The following ENTREP2 variants were observed in gnomAD, a reference collection of about 807,000 sequenced individuals.
The protein encoded by ENTREP2 is endosomal transmembrane epsin interactor 2.
the ENTREP2 span, among the ~76,000 whole-genome samples, chr15:29,521,840 C>T: frequency 6.8e-6 from 1 of 147,896 alleles, no homozygotes; most frequent in Non-Finnish European, 1.5e-5. Flanking sequence ...TGTTCCTCAT[C>T]AGAATATATA....
chr15:29,656,742 T>C, the ENTREP2 span, among the ~76,000 whole-genome samples: 8,535 of 152,188 alleles, frequency 0.056, 757 homozygotes, highest in African/African-American at 0.19. Flanking sequence ...TCATATCTTA[T>C]CTTGCTTGAA....
the ENTREP2 span, among the ~76,000 whole-genome samples, chr15:29,587,955 G>A: frequency 3.2e-4 from 48 of 152,278 alleles, no homozygotes; most frequent in Admixed American, 1.5e-3. Flanking sequence ...CACCACGCCC[G>A]GCTGGAAGTG....
At chr15:29,342,266 G>C in the ENTREP2 span, among the ~76,000 whole-genome samples, 1 of 152,190 alleles carries the variant, frequency 6.6e-6, no homozygotes, top group African/African-American at 2.4e-5. Context: ...GGAGGTGAGG[G>C]AAAGGGACTG....
the ENTREP2 span, among the ~76,000 whole-genome samples, chr15:29,199,818 T>C: frequency 6.6e-6 from 1 of 152,206 alleles, no homozygotes; most frequent in Non-Finnish European, 1.5e-5. Flanking sequence ...CCTAGATCTT[T>C]CTCCTATGTT....
At chr15:29,308,484 C>A in the ENTREP2 span, among the ~76,000 whole-genome samples, 65 of 152,338 alleles carry the variant, frequency 4.3e-4, 2 homozygotes, top group African/African-American at 1.5e-3. Flanking sequence ...CACAGGGAGA[C>A]CCTGTCCTGG....
the ENTREP2 span, among the ~76,000 whole-genome samples, chr15:29,524,329 C>G: frequency 2.0e-5 from 3 of 152,152 alleles, no homozygotes; most frequent in Non-Finnish European, 2.9e-5. Flanking sequence ...GAAAGCACAT[C>G]ACAATCACAA....
chr15:29,429,153 G>GTCCA, the ENTREP2 span, among the ~76,000 whole-genome samples: 17,322 of 151,114 alleles, frequency 0.11, 1,145 homozygotes, highest in East Asian at 0.31. Flanking sequence ...ATGTCTATCT[G>GTCCA]TCCATCCATC....
At chr15:29,248,677 G>T in the ENTREP2 span, among the ~76,000 whole-genome samples, 1 of 152,050 alleles carries the variant, frequency 6.6e-6, no homozygotes, top group Non-Finnish European at 1.5e-5. Context: ...AGTACTCAAA[G>T]AAATTCAAAT....
At chr15:29,333,422 C>A in the ENTREP2 span, among the ~76,000 whole-genome samples, 1 of 152,068 alleles carries the variant, frequency 6.6e-6, no homozygotes, top group African/African-American at 2.4e-5. Flanking sequence ...ACATCCAGCA[C>A]CCCCCGCCCC....
the ENTREP2 span, among the ~76,000 whole-genome samples, chr15:29,157,007 G>A: frequency 6.6e-6 from 1 of 152,208 alleles, no homozygotes; most frequent in Non-Finnish European, 1.5e-5. Context: ...TGAGGCAGGA[G>A]AATCGGTTGA....
At chr15:29,345,541 A>C in the ENTREP2 span, among the ~76,000 whole-genome samples, 1 of 151,858 alleles carries the variant, frequency 6.6e-6, no homozygotes, top group Non-Finnish European at 1.5e-5. Flanking sequence ...TGATGCCCCC[A>C]GAGGAAACAA....
the ENTREP2 span, among the ~76,000 whole-genome samples, chr15:29,570,984 C>T: frequency 2.1e-5 from 3 of 145,358 alleles, no homozygotes; most frequent in African/African-American, 4.9e-5. Context: ...CGCCCTCCCC[C>T]GCCCGCCCCG....
the ENTREP2 span, among the ~76,000 whole-genome samples, chr15:29,398,785 G>C: frequency 6.6e-6 from 1 of 150,950 alleles, no homozygotes; most frequent in Non-Finnish European, 1.5e-5. Context: ...GCAGAATTAT[G>C]AGATGGCCCC....
the ENTREP2 span, among the ~76,000 whole-genome samples, chr15:29,591,155 C>A: frequency 1.3e-5 from 2 of 152,188 alleles, no homozygotes; most frequent in Non-Finnish European, 2.9e-5. Context: ...GAAAACTTGT[C>A]TCTTCTGGGA....
At chr15:29,203,404 AAAC>A in the ENTREP2 span, among the ~76,000 whole-genome samples, 19 of 152,200 alleles carry the variant, frequency 1.2e-4, no homozygotes, top group East Asian at 1.9e-4. Flanking sequence ...TCTGTCTTGA[AAAC>A]AACAACAACA....
the ENTREP2 span, among the ~76,000 whole-genome samples, chr15:29,155,008 C>T: frequency 2.0e-5 from 3 of 151,432 alleles, no homozygotes; most frequent in South Asian, 2.1e-4. Context: ...ACCGGCCGGG[C>T]GTGGTGGCTC....
chr15:29,263,970 C>T, the ENTREP2 span, among the ~76,000 whole-genome samples: 19 of 151,960 alleles, frequency 1.3e-4, no homozygotes, highest in East Asian at 1.9e-3. Context: ...CTGGCTAACA[C>T]GGTGAAATCC....
the ENTREP2 span, chr15:29,613,498 A>G: frequency 5.4e-6 from 2 of 368,020 alleles, no homozygotes; most frequent in South Asian, 2.7e-5. Flanking sequence ...CGAGAAGAGG[A>G]TCCTGACCAC....
At chr15:29,215,629 A>T in the ENTREP2 span, among the ~76,000 whole-genome samples, 2 of 151,816 alleles carry the variant, frequency 1.3e-5, no homozygotes, top group East Asian at 3.9e-4. Context: ...GAGAACCTAG[A>T]CTAACACACC....
Sources: allele counts gnomAD v4.1 joint callset (sites outside exome capture counted in the v4.1 genomes callset), GRCh38; gene constraint gnomAD v4.1.1; transcripts MANE v1.5; gene names NCBI Gene and HGNC (gene_info 2026-07-23, HGNC 2026-07-21).